The following KLHL20 variants were observed in gnomAD, a reference collection of about 807,000 sequenced individuals.
KLHL20 encodes kelch like family member 20.
In KLHL20, 29 loss-of-function variants were observed where a neutral mutation model predicts 69.5. The ratio of observed to expected loss-of-function variants is 0.42; its 90% CI spans 0.31 to 0.57. The LOEUF (loss-of-function observed/expected upper bound fraction) is 0.57, where lower values mean the gene tolerates loss of function less well. Among genes scored for constraint, KLHL20 ranks in the 20% least tolerant of loss-of-function variants. KLHL20 has a pLI of 0.18. For synonymous variants in KLHL20, 253 were observed against 265.2 expected (o/e 0.95, Z 0.45); for missense variants, 419 against 776.0 (o/e 0.54, Z 5.47).
intron 2 of KLHL20, among the ~76,000 whole-genome samples, chr1:173,722,855 A>G (rs948634833): frequency 6.6e-6 from 1 of 151,954 alleles, no homozygotes; most frequent in African/African-American, 2.4e-5. Flanking sequence ...ACATCCAGCT[A>G]ATTTTTGTAT....
chr1:173,725,453 G>T (rs573054331), intron 2 of KLHL20, among the ~76,000 whole-genome samples: 104 of 152,250 alleles, frequency 6.8e-4, no homozygotes, highest in African/African-American at 2.4e-3. Flanking sequence ...AGAATGGGCT[G>T]TTTTCATATT....
chr1:173,732,647 A>T (rs956989555), intron 2 of KLHL20, among the ~76,000 whole-genome samples: 3 of 152,202 alleles, frequency 2.0e-5, no homozygotes, highest in Non-Finnish European at 4.4e-5. Context: ...GTCCCCATTT[A>T]CAGCACTCTT....
intron 3 of KLHL20, chr1:173,741,753 A>C (rs1262813941): frequency 1.4e-6 from 2 of 1,421,474 alleles, no homozygotes; most frequent in Non-Finnish European, 1.9e-6. Flanking sequence ...CCTGGTTCAG[A>C]GCCCCAATTC....
At chr1:173,750,512 G>C (rs1673258747) in intron 3 of KLHL20, among the ~76,000 whole-genome samples, 1 of 148,956 alleles carries the variant, frequency 6.7e-6, no homozygotes, top group African/African-American at 2.5e-5. Context: ...TTGAGATGGA[G>C]CCTCACTCTG....
intron 10 of KLHL20, among the ~76,000 whole-genome samples, chr1:173,781,507 G>A (rs1648874419): frequency 2.0e-5 from 3 of 152,084 alleles, no homozygotes; most frequent in Admixed American, 2.0e-4. Flanking sequence ...GTAAAGACAG[G>A]GTCTCACTGT....
At chr1:173,715,777 T>C (rs558647893) in intron 1 of KLHL20, 1 of 454,894 alleles carries the variant, frequency 2.2e-6, no homozygotes, top group African/African-American at 1.9e-5. Flanking sequence ...CGGGACTATT[T>C]AGCATACTTT....
chr1:173,782,667 A>G (rs1648954716), intron 11 of KLHL20, among the ~76,000 whole-genome samples: 1 of 152,188 alleles, frequency 6.6e-6, no homozygotes, highest in African/African-American at 2.4e-5. Context: ...CTTTTGAAAA[A>G]TTAATATTTG....
In KLHL20 at chr1:173,764,281, G is replaced by A. The variant is rs564689166; in HGVS notation, c.1152-1865G>A. Among the ~76,000 whole-genome samples the A allele has an allele frequency of 6.6e-5, 10 of 152,336 alleles. No homozygotes were observed. In the East Asian group the frequency reaches 1.7e-3, roughly 26 times the overall value. Reference sequence around the variant, plus strand: ...ACACTTCTACACCACTGGTGGCAATGTAAACTAGTACAGCCACTATGGAAA... The same window carrying A: ...ACACTTCTACACCACTGGTGGCAATATAAACTAGTACAGCCACTATGGAAA... On this transcript the variant is annotated intron_variant, in intron 7 of 11. Coordinates refer to ENST00000209884, the MANE Select transcript of KLHL20 (RefSeq NM_014458.4).
intron 7 of KLHL20, among the ~76,000 whole-genome samples, chr1:173,764,691 A>G (rs556816221): frequency 4.6e-5 from 7 of 152,196 alleles, no homozygotes; most frequent in Non-Finnish European, 1.0e-4. Context: ...ACTCAAAGGC[A>G]TAAGAATGAT....
At chr1:173,753,857 A>G (rs935026216) in intron 5 of KLHL20, among the ~76,000 whole-genome samples, 1 of 152,212 alleles carries the variant, frequency 6.6e-6, no homozygotes, top group South Asian at 2.1e-4. Context: ...GGGGGGAAAA[A>G]AGCAACCTAT....
In KLHL20 at chr1:173,775,462, T is replaced by G. The variant is rs140318621; in HGVS notation, c.1430-172T>G. Among the ~76,000 whole-genome samples, 995 of 152,346 alleles carry G rather than the reference T, an allele frequency of 6.5e-3. 7 individuals are homozygous for G. The highest frequency in any genetic ancestry group is 0.013 in the South Asian group (65 of 4,832). ...ACCATACCTAGAAGAAACCAGTCCC[T>G]GATGAGAGTATATGTAGTATTGTCC... On this transcript the variant is annotated intron_variant, in intron 9 of 11. Transcript: ENST00000209884.
chr1:173,733,777 C>A lies in KLHL20; in HGVS notation c.88C>A (p.Pro30Thr), dbSNP rs1405807026. 1.9e-6 allele frequency: 3 copies of A among 1,613,944 alleles called. No homozygotes were observed. The highest frequency in any genetic ancestry group is 2.7e-5 in the African/African-American group (2 of 74,866). Residue 30 changes from proline to threonine, a missense_variant, in exon 3 of 12, where the codon CCC becomes ACC. Physicochemically the swap from Pro to Thr is conservative, Grantham distance 38. Coordinates refer to ENST00000209884, the MANE Select transcript of KLHL20 (RefSeq NM_014458.4). The stretch of plus-strand genomic sequence containing the variant: ...AACAAGCCGCTGCACCCTTGGAGAC[C>A]CCAACAAACTGCCAGAAGGGGTTCC... ...DVTSRCTLGDPNKLPEGVPQP... is the reference protein window; with the variant it reads ...DVTSRCTLGDTNKLPEGVPQP...
intron 6 of KLHL20, 42 bp from the exon 7 acceptor site, chr1:173,756,934 T>G: frequency 6.3e-7 from 1 of 1,583,850 alleles, no homozygotes. Flanking sequence ...CATTTTATGC[T>G]TCAGGATAGG....
chr1:173,751,348 G>A (rs1424610877), intron 3 of KLHL20, among the ~76,000 whole-genome samples: 1 of 152,128 alleles, frequency 6.6e-6, no homozygotes, highest in Non-Finnish European at 1.5e-5. Flanking sequence ...CAGAATTGCT[G>A]ACACTCTTAT....
rs183496716 is a variant in KLHL20, at chr1:173,778,216, C to T, written c.1638+2374C>T. On this transcript the variant is annotated intron_variant, in intron 10 of 11. Coordinates refer to ENST00000209884, the MANE Select transcript of KLHL20 (RefSeq NM_014458.4). Reference sequence around the variant, plus strand: ...AGGTATTTCTCCTAACGCTATCACTCCCTCAGCCCCCCACCCCCCGACAGG... The same window carrying T: ...AGGTATTTCTCCTAACGCTATCACTTCCTCAGCCCCCCACCCCCCGACAGG... Among the ~76,000 whole-genome samples, 36 of 152,210 alleles carry T rather than the reference C, an allele frequency of 2.4e-4. No individual in the cohort carries two copies. In the South Asian group the frequency reaches 4.4e-3, roughly 18 times the overall value.
At chr1:173,760,410 C>T (rs558758608) in intron 7 of KLHL20, among the ~76,000 whole-genome samples, 3 of 152,174 alleles carry the variant, frequency 2.0e-5, no homozygotes, top group East Asian at 1.9e-4. Flanking sequence ...TCCCTAGGCA[C>T]GTTGTCATCA....
At chr1:173,745,469 T>C (rs1211343710) in intron 3 of KLHL20, among the ~76,000 whole-genome samples, 2 of 152,076 alleles carry the variant, frequency 1.3e-5, no homozygotes, top group Non-Finnish European at 2.9e-5. Context: ...AGCCTACATT[T>C]CCTTTTAAAT....
chr1:173,726,716 C>G (rs79187551), intron 2 of KLHL20, among the ~76,000 whole-genome samples: 14 of 152,160 alleles, frequency 9.2e-5, no homozygotes, highest in African/African-American at 3.4e-4. Flanking sequence ...AACTAACAAA[C>G]AGAAAATACA....
At chr1:173,731,143 A>T (rs1672256718) in intron 2 of KLHL20, among the ~76,000 whole-genome samples, 1 of 152,240 alleles carries the variant, frequency 6.6e-6, no homozygotes, top group South Asian at 2.1e-4. Flanking sequence ...CCATCAGAGA[A>T]ATGCAAATCA....
Sources: allele counts gnomAD v4.1 joint callset (sites outside exome capture counted in the v4.1 genomes callset), GRCh38; gene constraint gnomAD v4.1.1; transcripts MANE v1.5; gene names NCBI Gene and HGNC (gene_info 2026-07-23, HGNC 2026-07-21).